Variants in PTPRN2 observed in about 807,000 individuals in gnomAD.
PTPRN2 encodes protein tyrosine phosphatase receptor type N2.
A neutral mutation model predicts 118.8 loss-of-function variants in PTPRN2; 74 were observed. That is an observed-to-expected ratio of 0.62 (90% CI 0.52 to 0.76). PTPRN2 has a LOEUF of 0.76. PTPRN2 is among the 30% of genes least tolerant of loss of function. The pLI is 0.00. For synonymous variants in PTPRN2, 641 were observed against 608.0 expected, an observed-to-expected ratio of 1.05 and a Z score of -0.80; for missense variants, 1,481 against 1,394.4, an observed-to-expected ratio of 1.06 and a Z score of -0.99.
Position 158,104,280 on chromosome 7 carries a change from G to C in PTPRN2, c.1643+6549C>G, listed in dbSNP as rs4909232. Among the ~76,000 whole-genome samples the C allele has an allele frequency of 6.2e-3, 942 of 152,332 alleles. 18 individuals carry two copies. The highest frequency in any genetic ancestry group is 0.035 in the East Asian group (180 of 5,182). On this transcript the variant is annotated intron_variant, in intron 10 of 22. Coordinates refer to ENST00000389418, the MANE Select transcript of PTPRN2 (RefSeq NM_002847.5). ...GCATCAGAAGGCCTGAGGAAGGCCAGGATGAAGACAATGGAGGTCAGGTGA... is the reference window on the plus strand; with the variant it reads ...GCATCAGAAGGCCTGAGGAAGGCCACGATGAAGACAATGGAGGTCAGGTGA...
chr7:158,562,258 A>C (rs1027580997), intron 1 of PTPRN2, among the ~76,000 whole-genome samples: 8 of 152,142 alleles, frequency 5.3e-5, no homozygotes, highest in Non-Finnish European at 8.8e-5. Flanking sequence ...GTCTCACTCC[A>C]TGAAGGGGGC....
rs1276178631 is a variant in PTPRN2, at chr7:157,548,990, G to C, written c.2932C>G (p.Leu978Val). 6.2e-7 allele frequency: 1 copy of C among 1,614,184 alleles called. No homozygotes were observed. Among genetic ancestry groups the C allele is most frequent in the East Asian group, 2.2e-5 (1 of 44,888 alleles). The change falls in exon 22 of 23, where the codon CTG (leucine) becomes GTG (valine). Residue 978 changes from leucine (L) to valine (V), a missense_variant. Physicochemically the swap from Leu to Val is conservative, Grantham distance 32. Around this residue, in one of 3 missense-constraint regions of PTPRN2, gnomAD observed 362 missense variants for 384.1 expected, o/e 0.94. Transcript: ENST00000389418. ...GAKEIDIAAT[L>V]EHLRDQRPGM... is the part of the protein sequence containing the mutation. ...GGTCTCTGGTCCCTCAAGTGCTCCA[G>C]GGTCGCTGCGATATCAATCTCTTTA...
chr7:158,523,656 A>T (rs1359172753), intron 1 of PTPRN2, among the ~76,000 whole-genome samples: 31 of 120,890 alleles, frequency 2.6e-4, no homozygotes, highest in Middle Eastern at 8.1e-3. Context: ...TCTGCCCTGG[A>T]GTGGAGTCGT....
chr7:158,205,052 G>A, intron 4 of PTPRN2, 119 bp downstream of exon 4: 2 of 873,042 alleles, frequency 2.3e-6, no homozygotes, highest in South Asian at 3.4e-5. Flanking sequence ...TGAAACGTCT[G>A]CACCAGAAAG....
At chr7:158,175,652 C>G (rs566370431) in intron 5 of PTPRN2, among the ~76,000 whole-genome samples, 14 of 152,158 alleles carry the variant, frequency 9.2e-5, no homozygotes, top group African/African-American at 3.4e-4. Flanking sequence ...GGGTCTCACA[C>G]GAGCGTATAC....
At chr7:157,978,269 G>A (rs1465311268) in intron 11 of PTPRN2, among the ~76,000 whole-genome samples, 10 of 151,956 alleles carry the variant, frequency 6.6e-5, no homozygotes, top group Non-Finnish European at 1.3e-4. Flanking sequence ...CCCGTGTGGT[G>A]CTGCCGCCAT....
intron 12 of PTPRN2, among the ~76,000 whole-genome samples, chr7:157,840,517 CT>C (rs1045114696): frequency 1.2e-4 from 19 of 152,192 alleles, no homozygotes; most frequent in African/African-American, 4.6e-4. Context: ...GTGTGTGTGA[CT>C]GTGTAACCAT....
intron 2 of PTPRN2, among the ~76,000 whole-genome samples, chr7:158,394,597 G>A (rs1024352623): frequency 2.6e-5 from 4 of 152,202 alleles, no homozygotes; most frequent in African/African-American, 7.2e-5. Flanking sequence ...CTGGCTGCTC[G>A]TCCATCCCCC....
intron 2 of PTPRN2, among the ~76,000 whole-genome samples, chr7:158,334,030 T>C (rs1181060494): frequency 1.3e-3 from 6 of 4,516 alleles, no homozygotes; most frequent in East Asian, 2.8e-3. Flanking sequence ...TCACTCACAC[T>C]CACACTCTAG....
chr7:157,733,968 C>T (rs867177754), intron 12 of PTPRN2, among the ~76,000 whole-genome samples: 8 of 50,034 alleles, frequency 1.6e-4, no homozygotes, highest in East Asian at 9.8e-4. Context: ...GCACAGTTAC[C>T]CTTTCCCGTC....
At chr7:158,078,738 C>T (rs1307803342) in intron 11 of PTPRN2, among the ~76,000 whole-genome samples, 1 of 152,258 alleles carries the variant, frequency 6.6e-6, no homozygotes, top group Non-Finnish European at 1.5e-5. Context: ...CCGTGCTAAG[C>T]GCTCTCCTGA....
At chr7:158,174,341 TTCACCATCATCA>T (rs1393959578) in intron 5 of PTPRN2, among the ~76,000 whole-genome samples, 2 of 151,870 alleles carry the variant, frequency 1.3e-5, no homozygotes, top group Non-Finnish European at 2.9e-5. Context: ...CACCATCATC[TTCACCATCATCA>T]TCCCACCATC....
chr7:158,331,009 C>A (rs570029464), intron 2 of PTPRN2, among the ~76,000 whole-genome samples: 1 of 128,478 alleles, frequency 7.8e-6, no homozygotes, highest in African/African-American at 3.0e-5. Flanking sequence ...CACCCGCAGA[C>A]GTCACTCACA....
intron 2 of PTPRN2, among the ~76,000 whole-genome samples, chr7:158,442,727 G>A (rs531347695): frequency 5.3e-5 from 8 of 152,160 alleles, no homozygotes; most frequent in Non-Finnish European, 8.8e-5. Flanking sequence ...GCCATGCAGC[G>A]TTCCGCCTGC....
chr7:157,817,643 C>A (rs776679307), intron 12 of PTPRN2, among the ~76,000 whole-genome samples: 2 of 152,258 alleles, frequency 1.3e-5, no homozygotes, highest in African/African-American at 4.8e-5. Flanking sequence ...CTGCACAAAG[C>A]AGCATCTGGA....
intron 12 of PTPRN2, among the ~76,000 whole-genome samples, chr7:157,770,023 G>A (rs539858801): frequency 2.6e-5 from 4 of 152,306 alleles, no homozygotes; most frequent in Admixed American, 2.0e-4. Flanking sequence ...CCAGCAGCCC[G>A]TCCGGCCTGG....
chr7:157,731,916 C>A (rs1490160985), intron 12 of PTPRN2, among the ~76,000 whole-genome samples: 3 of 42,162 alleles, frequency 7.1e-5, no homozygotes, highest in African/African-American at 2.4e-4. Flanking sequence ...CCGTCCCATG[C>A]GCCCAGCACA....
At chr7:158,238,782 G>T (rs1033319639) in intron 3 of PTPRN2, among the ~76,000 whole-genome samples, 1 of 152,270 alleles carries the variant, frequency 6.6e-6, no homozygotes, top group African/African-American at 2.4e-5. Context: ...ACCAGGTCCT[G>T]GTAGGTACAG....
intron 3 of PTPRN2, among the ~76,000 whole-genome samples, chr7:158,269,725 C>T (rs1798164504): frequency 6.7e-6 from 1 of 150,164 alleles, no homozygotes; most frequent in South Asian, 2.1e-4. Flanking sequence ...GACCAAGAGA[C>T]AGAAACAGAG....
Sources: gnomAD v4.1 joint callset for allele counts (sites outside exome capture counted in the v4.1 genomes callset) on GRCh38, gnomAD v4.1.1 for gene constraint, gnomAD v4.1.1 regional missense constraint, MANE v1.5 for transcripts, NCBI Gene and HGNC (gene_info 2026-07-23, HGNC 2026-07-21) for gene names.